The following FXYD2 variants were observed in gnomAD, a reference collection of about 807,000 sequenced individuals.
The protein encoded by FXYD2 is FXYD domain containing ion transport regulator 2.
FXYD2 carries 8 observed loss-of-function variants against 11.8 expected under a neutral mutation model. That is an observed-to-expected ratio of 0.68 (90% CI 0.40 to 1.22). FXYD2 has a LOEUF of 1.22. Ranked by LOEUF, FXYD2 falls within the 50% of genes most tolerant of loss-of-function variation. FXYD2 has a pLI of 0.01. For synonymous variants in FXYD2, 42 were observed against 33.3 expected (o/e 1.26, Z -0.90); for missense variants, 92 against 91.8 (o/e 1.00, Z -0.01).
chr11:117,824,715 CCTG>C lies in FXYD2; in HGVS notation c.-40_-38del. ...AATGGGCTGCCTCCACTCCCCTCTTCCTGCTGTCTCTGCTTTTTGGAGAGTGTC... is the reference window on the plus strand; with the variant it reads ...AATGGGCTGCCTCCACTCCCCTCTTCCTGTCTCTGCTTTTTGGAGAGTGTC... On this transcript the variant is annotated 5_prime_UTR_variant, in exon 1 of 6. Transcript: ENST00000292079. The surrounding 1 kb of genome is among the most constrained non-coding windows in gnomAD (Gnocchi z 4.0). The C allele has an allele frequency of 1.9e-6, 3 of 1,613,024 alleles. No individual in the cohort carries two copies. Among genetic ancestry groups the C allele is most frequent in the Non-Finnish European group, 2.5e-6 (3 of 1,179,614 alleles).
chr11:117,823,405 C>T (rs1392258223), intron 1 of FXYD2, among the ~76,000 whole-genome samples: 2 of 152,234 alleles, frequency 1.3e-5, no homozygotes, highest in Non-Finnish European at 2.9e-5. Context: ...AGAAATTCCC[C>T]CACAGTTATA....
At chr11:117,826,080 A>G (rs1483583435), upstream of FXYD2, among the ~76,000 whole-genome samples, 2 of 152,356 alleles carry the variant, frequency 1.3e-5, no homozygotes, top group Non-Finnish European at 2.9e-5. Context: ...TAATGCATGC[A>G]AAGAGCATAT....
In FXYD2 at chr11:117,822,185, C is replaced by T. The variant is rs1010359994; in HGVS notation, c.139+221G>A. 8.3e-6 allele frequency: 12 copies of T among 1,441,678 alleles called. No individual in the cohort carries two copies. The African/African-American group carries it at 1.7e-4, about 20-fold the overall frequency. The allele number at this position is 1,441,678 out of a possible 1,614,324, so 89.3% of individuals were successfully genotyped here. On this transcript the variant is annotated intron_variant, in intron 3 of 5. Coordinates refer to ENST00000292079, the MANE Select transcript of FXYD2 (RefSeq NM_001680.5). The surrounding 1 kb of genome is among the most constrained non-coding windows in gnomAD (Gnocchi z 4.7). Reference sequence around the variant, plus strand: ...TTTGCTCTCACTTCTGCGGCTCCTCCCGGGCCCACTGGAGGGTGCACTTGA... The same window carrying T: ...TTTGCTCTCACTTCTGCGGCTCCTCTCGGGCCCACTGGAGGGTGCACTTGA...
At chr11:117,827,469 G>A (rs1000349117), upstream of FXYD2, among the ~76,000 whole-genome samples, 3 of 152,260 alleles carry the variant, frequency 2.0e-5, no homozygotes, top group South Asian at 2.1e-4. Flanking sequence ...GGCTGGTCTC[G>A]AACTCCTGAC....
chr11:117,821,980 C>T (rs891934133), intron 3 of FXYD2: 20 of 1,110,532 alleles, frequency 1.8e-5, no homozygotes, highest in South Asian at 1.8e-4. Context: ...CAGAACACTC[C>T]GAGTCTGCAC....
intron 3 of FXYD2, chr11:117,821,347 CA>C: frequency 2.0e-6 from 2 of 989,658 alleles, no homozygotes; most frequent in Non-Finnish European, 2.4e-6. Flanking sequence ...AGGCATGAGC[CA>C]CCACGCCCAG....
At position 117,820,699 on chromosome 11, in the gene FXYD2, G is replaced by T; in HGVS notation, c.177-3C>A. On this transcript the variant is annotated splice_polypyrimidine_tract_variant and splice_region_variant and intron_variant, in intron 4 of 5. Coordinates refer to ENST00000292079, the MANE Select transcript of FXYD2 (RefSeq NM_001680.5). ...ACGGCTCATCTTCATTGATTTGCCT[G>T]GTGGGGGAAGGAAAAGCAACAGGTG... The T allele has an allele frequency of 6.2e-7, 1 of 1,613,958 alleles. No individual in the cohort carries two copies. Among genetic ancestry groups the T allele is most frequent in the Non-Finnish European group, 8.5e-7 (1 of 1,179,984 alleles).
At position 117,824,058 on chromosome 11, in the gene FXYD2, C is replaced by T. The variant is rs140101070; in HGVS notation, c.25+596G>A. The T allele has an allele frequency of 1.0e-4, 17 of 162,648 alleles. No individual in the cohort carries two copies. In the East Asian group the frequency reaches 2.7e-3, roughly 26 times the overall value. The allele number at this position is 162,648 out of a possible 1,614,324, so 10.1% of individuals were successfully genotyped here. ...AGACGCCAGCTGAGGCTTCCCCACA[C>T]GCCCCAGGAAACCTCCTCCTCCGTG... On this transcript the variant is annotated intron_variant, in intron 1 of 5. Transcript: ENST00000292079. This position sits in a 1 kb window ranked among gnomAD's most constrained non-coding sequence, Gnocchi z 4.0.
intron 5 of FXYD2, 65 bp downstream of exon 5, chr11:117,820,601 T>C (rs2055874590): frequency 6.2e-7 from 1 of 1,600,908 alleles, no homozygotes; most frequent in Non-Finnish European, 8.6e-7. Context: ...GAGCCAGAAT[T>C]CTTCCCTGTT....
At position 117,822,412 on chromosome 11, in the gene FXYD2, GGAT is replaced by G; in HGVS notation, c.130_132del (p.Ile44del). 1 of 1,558,306 alleles carries G rather than the reference GGAT, an allele frequency of 6.4e-7. No homozygotes were observed. ...TGGAGGCCACCCCACTTACTGAGGA[GGAT>G]GAGGAGCCCCACGATGAAGGCCAGT... is the stretch of plus-strand genomic sequence containing the variant. On this transcript the variant is annotated inframe_deletion, in exon 3 of 6. Transcript: ENST00000292079. The surrounding 1 kb of genome is among the most constrained non-coding windows in gnomAD (Gnocchi z 4.7).
At chr11:117,823,579 C>T (rs1263381438) in intron 1 of FXYD2, among the ~76,000 whole-genome samples, 1 of 152,220 alleles carries the variant, frequency 6.6e-6, no homozygotes, top group East Asian at 1.9e-4. Context: ...GGATTTGGAG[C>T]CGCTCAGCAG....
rs2055924840 is a variant in FXYD2 at position 117,822,289 on chromosome 11, G to A, written c.139+117C>T. 2 of 1,543,318 alleles carry A rather than the reference G, an allele frequency of 1.3e-6. No homozygotes were observed. Among genetic ancestry groups the A allele is most frequent in the Admixed American group, 2.0e-5 (1 of 50,894 alleles). ...CCCATTCCCACATCCTGCAGTGGGG[G>A]GCGTGGTGGGGAGGCTCACCCCTCC... is the stretch of plus-strand genomic sequence containing the variant. On this transcript the variant is annotated intron_variant, in intron 3 of 5. Coordinates refer to ENST00000292079, the MANE Select transcript of FXYD2 (RefSeq NM_001680.5). This position sits in a 1 kb window ranked among gnomAD's most constrained non-coding sequence, Gnocchi z 4.7.
rs926027070 is a variant in FXYD2, at chr11:117,821,595, T to G, written c.140-700A>C. The G allele has an allele frequency of 3.0e-6, 3 of 985,974 alleles. No homozygotes were observed. The African/African-American group carries it at 5.2e-5, about 17-fold the overall frequency. 61.1% of individuals were successfully genotyped at this position (985,974 alleles called of 1,614,324 possible). On this transcript the variant is annotated intron_variant, in intron 3 of 5. Coordinates refer to ENST00000292079, the MANE Select transcript of FXYD2 (RefSeq NM_001680.5). ...TTAGGCCACCTGCCTCCTGTGCCTA[T>G]GTGATCAGCTGCCACCCGGCACTGC...
Position 117,822,554 on chromosome 11 carries a change from G to T in FXYD2, c.65-74C>A. On this transcript the variant is annotated intron_variant, in intron 2 of 5. Coordinates refer to ENST00000292079, the MANE Select transcript of FXYD2 (RefSeq NM_001680.5). This position sits in a 1 kb window ranked among gnomAD's most constrained non-coding sequence, Gnocchi z 4.7. ...AGCTGTCTCTCTCCGCAGCCTGCCC[G>T]CAGCAGCCCGTGGTAACCAGGGGAG... is the stretch of plus-strand genomic sequence containing the variant. 1.3e-6 allele frequency: 2 copies of T among 1,558,418 alleles called. No individual in the cohort carries two copies. The highest frequency in any genetic ancestry group is 1.7e-6 in the Non-Finnish European group (2 of 1,150,510).
chr11:117,821,569 C>A, intron 3 of FXYD2: 2 of 985,960 alleles, frequency 2.0e-6, no homozygotes, highest in Non-Finnish European at 1.2e-6. Context: ...GAGCCCCTTG[C>A]TTAGGCCACC....
At chr11:117,820,837 G>A (rs769735680) in intron 4 of FXYD2, 22 bp downstream of exon 4, 10 of 1,608,462 alleles carry the variant, frequency 6.2e-6, no homozygotes, top group Admixed American at 3.4e-5. Flanking sequence ...CCCCCTCATC[G>A]GTCACCCCAG....
At chr11:117,826,810 A>G (rs541595101), upstream of FXYD2, among the ~76,000 whole-genome samples, 2 of 137,764 alleles carry the variant, frequency 1.5e-5, no homozygotes, top group African/African-American at 5.3e-5. Flanking sequence ...CTATCTATCT[A>G]TCTATCTATC....
chr11:117,827,259 T>C (rs1450205677), upstream of FXYD2, among the ~76,000 whole-genome samples: 5 of 152,116 alleles, frequency 3.3e-5, no homozygotes, highest in African/African-American at 9.7e-5. Context: ...AAATTAATTC[T>C]TTTTTTTAAG....
chr11:117,820,662 A>G lies in FXYD2; in HGVS notation c.*6+4T>C. On this transcript the variant is annotated splice_donor_region_variant and intron_variant, in intron 5 of 5. Coordinates refer to ENST00000292079, the MANE Select transcript of FXYD2 (RefSeq NM_001680.5). ...CGCACCTTCCCCAGGCCCTCCTAGC[A>G]TACCTGCTGTTACGGCTCATCTTCA... 6.2e-7 allele frequency: 1 copy of G among 1,613,866 alleles called. No homozygotes were observed. Among genetic ancestry groups the G allele is most frequent in the African/African-American group, 1.3e-5 (1 of 75,008 alleles).
Sources: allele counts gnomAD v4.1 joint callset (sites outside exome capture counted in the v4.1 genomes callset), GRCh38; gene constraint gnomAD v4.1.1; non-coding constraint Gnocchi (gnomAD v3.1); transcripts MANE v1.5; gene names NCBI Gene and HGNC (gene_info 2026-07-23, HGNC 2026-07-21).